NPAS3: variants seen among roughly 807,000 people sequenced by gnomAD.
NPAS3 encodes neuronal PAS domain protein 3, also known as neuronal PAS domain-containing protein 3.
In NPAS3, 14 loss-of-function variants were observed where a neutral mutation model predicts 73.1. The observed-to-expected ratio is 0.19, with a 90% CI of 0.13 to 0.30. The LOEUF is 0.30. Ranked by LOEUF, NPAS3 falls within the 10% of genes least tolerant of loss-of-function variation. The pLI is 1.00. For missense variants in NPAS3, 1,096 were observed against 1,250.0 expected (o/e 0.88, Z 1.86); for synonymous variants, 620 against 541.5 (o/e 1.14, Z -2.01).
intron 6 of NPAS3, among the ~76,000 whole-genome samples, chr14:33,720,249 T>G (rs989565754): frequency 2.0e-5 from 3 of 152,182 alleles, no homozygotes; most frequent in African/African-American, 7.2e-5. Flanking sequence ...ATTTATTACC[T>G]GTTAGGAAGA....
At chr14:33,107,858 T>C (rs1034515223) in intron 2 of NPAS3, among the ~76,000 whole-genome samples, 10 of 152,210 alleles carry the variant, frequency 6.6e-5, no homozygotes, top group Admixed American at 2.0e-4. Context: ...TGGTATTGTG[T>C]TGGTAAACAG....
At chr14:33,495,186 C>T (rs1331230123) in intron 4 of NPAS3, among the ~76,000 whole-genome samples, 1 of 152,030 alleles carries the variant, frequency 6.6e-6, no homozygotes, top group Non-Finnish European at 1.5e-5. Flanking sequence ...TCTTTGTTCT[C>T]ACTGGTTTCA....
chr14:33,607,419 A>AG, intron 5 of NPAS3, among the ~76,000 whole-genome samples: 1 of 152,130 alleles, frequency 6.6e-6, no homozygotes, highest in African/African-American at 2.4e-5. Context: ...AAAAAAAAAA[A>AG]AGAGTGATTC....
At chr14:33,048,409 A>G (rs1035651563) in intron 1 of NPAS3, among the ~76,000 whole-genome samples, 1 of 152,140 alleles carries the variant, frequency 6.6e-6, no homozygotes, top group African/African-American at 2.4e-5. Context: ...TTACACTGGA[A>G]ATTACTTTTC....
At chr14:33,249,747 T>G (rs1365214473) in intron 3 of NPAS3, among the ~76,000 whole-genome samples, 2 of 152,138 alleles carry the variant, frequency 1.3e-5, no homozygotes. Context: ...ATGCTGCGTT[T>G]TAATGATCTC....
At chr14:33,309,774 C>T (rs1434199453) in intron 3 of NPAS3, among the ~76,000 whole-genome samples, 2 of 152,150 alleles carry the variant, frequency 1.3e-5, no homozygotes, top group Non-Finnish European at 2.9e-5. Flanking sequence ...CAAATTATTA[C>T]TGTGATTAAC....
chr14:33,221,931 T>G (rs2047446231), intron 3 of NPAS3, among the ~76,000 whole-genome samples: 1 of 152,066 alleles, frequency 6.6e-6, no homozygotes, highest in African/African-American at 2.4e-5. Flanking sequence ...AAGAAAAAAT[T>G]TATTTAATCA....
At chr14:33,535,345 A>G (rs959065618) in intron 4 of NPAS3, among the ~76,000 whole-genome samples, 2 of 152,222 alleles carry the variant, frequency 1.3e-5, no homozygotes, top group African/African-American at 4.8e-5. Context: ...AGTATAAGAA[A>G]CAGTAAAATG....
At chr14:33,678,470 A>G (rs1324276892) in intron 6 of NPAS3, among the ~76,000 whole-genome samples, 1 of 151,872 alleles carries the variant, frequency 6.6e-6, no homozygotes, top group East Asian at 1.9e-4. Context: ...CCCTTATTCA[A>G]TGGCGTGTTC....
chr14:33,742,155 A>T (rs555879782), intron 7 of NPAS3, among the ~76,000 whole-genome samples: 1 of 152,212 alleles, frequency 6.6e-6, no homozygotes, highest in African/African-American at 2.4e-5. Flanking sequence ...TAAAAAACAA[A>T]CGCAAGCACA....
chr14:33,680,455 G>A (rs951441584), intron 6 of NPAS3: 4 of 615,958 alleles, frequency 6.5e-6, no homozygotes, highest in Non-Finnish European at 1.1e-5. Flanking sequence ...TTTAGTTTCT[G>A]TTCCTGTTCC....
intron 2 of NPAS3, among the ~76,000 whole-genome samples, chr14:33,101,025 T>C (rs889154799): frequency 6.6e-6 from 1 of 152,126 alleles, no homozygotes; most frequent in African/African-American, 2.4e-5. Flanking sequence ...AGGTGATAAA[T>C]TGTAATGCTG....
chr14:33,730,625 C>T (rs905607929), intron 6 of NPAS3, among the ~76,000 whole-genome samples: 2 of 152,164 alleles, frequency 1.3e-5, no homozygotes, highest in Admixed American at 6.5e-5. Context: ...AAGCAAGCCA[C>T]GTGAGCATCC....
At chr14:33,226,483 T>G (rs2047637721) in intron 3 of NPAS3, among the ~76,000 whole-genome samples, 1 of 152,216 alleles carries the variant, frequency 6.6e-6, no homozygotes, top group Non-Finnish European at 1.5e-5. Context: ...TGAATAAAAT[T>G]GGTAAATCTA....
chr14:33,128,361 A>G (rs2043509942), intron 2 of NPAS3, among the ~76,000 whole-genome samples: 2 of 152,228 alleles, frequency 1.3e-5, no homozygotes, highest in South Asian at 2.1e-4. Context: ...AAGTTAAACT[A>G]CATTGGAGGA....
chr14:33,185,709 G>T (rs377130869), intron 2 of NPAS3, among the ~76,000 whole-genome samples: 1 of 152,112 alleles, frequency 6.6e-6, no homozygotes, highest in Non-Finnish European at 1.5e-5. Context: ...GGAGTTTAGT[G>T]GACCTTATTG....
rs1441983122 is a variant in NPAS3, at chr14:33,301,976, TTGGAAGC to T, written c.386-65206_386-65200del. 2.0e-5 allele frequency among the ~76,000 whole-genome samples: 3 copies of T among 152,196 alleles called. No individual in the cohort carries two copies. The East Asian group carries it at 5.8e-4, about 29-fold the overall frequency. ...AACACTGGCCTATTTCTGACATGACTTGGAAGCTGGTGCCCTCTCCGTGCGTGGCTTG... is the reference window on the plus strand; with the variant it reads ...AACACTGGCCTATTTCTGACATGACTTGGTGCCCTCTCCGTGCGTGGCTTG... On this transcript the variant is annotated intron_variant, in intron 3 of 11. Coordinates refer to ENST00000356141, the Ensembl canonical transcript of NPAS3.
At chr14:32,966,806 A>C (rs1353674988) in intron 1 of NPAS3, among the ~76,000 whole-genome samples, 1 of 150,704 alleles carries the variant, frequency 6.6e-6, no homozygotes, top group East Asian at 1.9e-4. Flanking sequence ...AAAAGAACCC[A>C]AATTATGAAA....
intron 2 of NPAS3, among the ~76,000 whole-genome samples, chr14:33,128,250 A>G (rs2043502957): frequency 6.6e-6 from 1 of 152,212 alleles, no homozygotes; most frequent in Admixed American, 6.5e-5. Context: ...ATAAGTAATC[A>G]AATTGGTTTA....
Sources: gnomAD v4.1 joint callset for allele counts (sites outside exome capture counted in the v4.1 genomes callset) on GRCh38, gnomAD v4.1.1 for gene constraint, MANE v1.5 for transcripts, NCBI Gene and HGNC (gene_info 2026-07-23, HGNC 2026-07-21) for gene names.